PRIM2: variants seen among roughly 807,000 people sequenced by gnomAD.
The protein encoded by PRIM2 is DNA primase large subunit.
PRIM2 carries 39 observed loss-of-function variants against 67.3 expected under a neutral mutation model. The observed-to-expected ratio is 0.58, with a 90% CI of 0.45 to 0.76. The LOEUF (loss-of-function observed/expected upper bound fraction) is 0.76, where lower values mean the gene tolerates loss of function less well. PRIM2 is among the 30% of genes least tolerant of loss of function. The pLI, the probability that PRIM2 is intolerant of heterozygous loss-of-function variation, is 0.00. For missense variants in PRIM2, 398 were observed against 598.7 expected (o/e 0.66, Z 3.50); for synonymous variants, 143 against 198.7 (o/e 0.72, Z 2.36).
chr6:57,622,493 CCATAAGTAAGTATA>C (rs1776877555), intron 12 of PRIM2, among the ~76,000 whole-genome samples: 1 of 151,960 alleles, frequency 6.6e-6, no homozygotes, highest in African/African-American at 2.4e-5. Context: ...ACATGTTGGC[CCATAAGTAAGTATA>C]CATAAGGCTA....
At chr6:57,502,021 G>A (rs1774141834) in intron 7 of PRIM2, among the ~76,000 whole-genome samples, 1 of 152,100 alleles carries the variant, frequency 6.6e-6, no homozygotes, top group African/African-American at 2.4e-5. Context: ...CAATCAATTG[G>A]TGACCCAACC....
the PRIM2 span, among the ~76,000 whole-genome samples, chr6:57,235,464 CAA>C: frequency 6.8e-6 from 1 of 146,000 alleles, no homozygotes; most frequent in Non-Finnish European, 1.5e-5. Flanking sequence ...AACTCCATTT[CAA>C]AAAAAAAAAA....
the PRIM2 span, among the ~76,000 whole-genome samples, chr6:57,253,054 G>A: frequency 1.3e-5 from 2 of 152,196 alleles, no homozygotes. Context: ...ACTCAAGAGT[G>A]CAGAGAGCCA....
At chr6:57,335,127 C>T (rs1454696868) in intron 5 of PRIM2, among the ~76,000 whole-genome samples, 2 of 152,238 alleles carry the variant, frequency 1.3e-5, no homozygotes, top group African/African-American at 4.8e-5. Flanking sequence ...TCGGGTCACT[C>T]CCACCCGAAT....
the PRIM2 span, among the ~76,000 whole-genome samples, chr6:57,241,031 T>C: frequency 6.6e-6 from 1 of 151,890 alleles, no homozygotes; most frequent in African/African-American, 2.4e-5. Flanking sequence ...GAGACCATCC[T>C]GGCTAACACG....
chr6:57,307,756 A>T, the PRIM2 span, among the ~76,000 whole-genome samples: 1 of 152,204 alleles, frequency 6.6e-6, no homozygotes, highest in Non-Finnish European at 1.5e-5. Flanking sequence ...TGAGGGACAC[A>T]GGTGGCCTTG....
intron 13 of PRIM2, among the ~76,000 whole-genome samples, chr6:57,639,119 A>G (rs1432515202): frequency 1.9e-4 from 29 of 152,230 alleles, no homozygotes; most frequent in African/African-American, 6.5e-4. Flanking sequence ...CTGCACAACT[A>G]CATGGAAACT....
At chr6:57,292,741 G>A in the PRIM2 span, among the ~76,000 whole-genome samples, 1 of 152,148 alleles carries the variant, frequency 6.6e-6, no homozygotes, top group Non-Finnish European at 1.5e-5. Context: ...AATGGGGAAA[G>A]GGTTCCCTAT....
intron 7 of PRIM2, among the ~76,000 whole-genome samples, chr6:57,495,764 GACAGGGTCTTGCTTTGTC>G (rs1394580309): frequency 6.6e-6 from 1 of 152,098 alleles, no homozygotes; most frequent in Non-Finnish European, 1.5e-5. Context: ...TTGTTTTTGA[GACAGGGTCTTGCTTTGTC>G]ACCTAGGCTG....
intron 10 of PRIM2, among the ~76,000 whole-genome samples, chr6:57,573,397 G>C (rs1581997508): frequency 6.6e-6 from 1 of 152,020 alleles, no homozygotes; most frequent in East Asian, 1.9e-4. Flanking sequence ...GCTCAGATTT[G>C]CATAGTCATC....
intron 5 of PRIM2, among the ~76,000 whole-genome samples, chr6:57,366,659 T>C (rs1769371981): frequency 6.6e-6 from 1 of 152,166 alleles, no homozygotes; most frequent in African/African-American, 2.4e-5. Flanking sequence ...GATTTGGATT[T>C]GGACCGTGCC....
the PRIM2 span, among the ~76,000 whole-genome samples, chr6:57,229,718 C>T: frequency 6.6e-6 from 1 of 152,144 alleles, no homozygotes; most frequent in Non-Finnish European, 1.5e-5. Context: ...TCTCGAATAC[C>T]TGACCTCGTG....
intron 10 of PRIM2, among the ~76,000 whole-genome samples, chr6:57,579,977 CAT>C (rs1187053412): frequency 6.6e-6 from 1 of 152,024 alleles, no homozygotes; most frequent in Non-Finnish European, 1.5e-5. Flanking sequence ...CACCCAGAAA[CAT>C]ATTGAAATAT....
At chr6:57,336,280 ACT>A (rs1361835452) in intron 5 of PRIM2, among the ~76,000 whole-genome samples, 1 of 152,046 alleles carries the variant, frequency 6.6e-6, no homozygotes, top group African/African-American at 2.4e-5. Flanking sequence ...GTTGGAAAAC[ACT>A]CTGCAGGATA....
rs1415840231 is a variant in PRIM2 at position 57,370,473 on chromosome 6, C to T, written c.460-9428C>T. Among the ~76,000 whole-genome samples, 8 of 152,042 alleles carry T rather than the reference C, an allele frequency of 5.3e-5. No individual in the cohort carries two copies. In the East Asian group the frequency reaches 1.5e-3, roughly 29 times the overall value. The stretch of plus-strand genomic sequence containing the variant: ...GAGAATTGTCTTGTATTTTCCATTT[C>T]CATTTTGGTTATAACTAAATAGATA... On this transcript the variant is annotated intron_variant, in intron 5 of 13. Transcript: ENST00000615550.
At chr6:57,453,501 C>T (rs1772634848) in intron 7 of PRIM2, among the ~76,000 whole-genome samples, 2 of 152,106 alleles carry the variant, frequency 1.3e-5, no homozygotes, top group Admixed American at 6.5e-5. Flanking sequence ...AGGTCCTTCA[C>T]ATCCCTTGTA....
At chr6:57,474,360 G>C (rs1470216450) in intron 7 of PRIM2, among the ~76,000 whole-genome samples, 6 of 151,542 alleles carry the variant, frequency 4.0e-5, no homozygotes, top group African/African-American at 1.5e-4. Flanking sequence ...TTTTTTAGTA[G>C]AGACAGGGTT....
chr6:57,555,938 T>A (rs1200082862), intron 10 of PRIM2, among the ~76,000 whole-genome samples: 2 of 152,228 alleles, frequency 1.3e-5, no homozygotes, highest in African/African-American at 4.8e-5. Context: ...GAAATATAAT[T>A]TTCTTGGACA....
intron 7 of PRIM2, among the ~76,000 whole-genome samples, chr6:57,416,283 CA>C (rs1771260923): frequency 6.6e-6 from 1 of 152,178 alleles, no homozygotes. Context: ...GCATTGCCAA[CA>C]AGCAGTAATA....
Sources: allele counts gnomAD v4.1 joint callset (sites outside exome capture counted in the v4.1 genomes callset), GRCh38; gene constraint gnomAD v4.1.1; transcripts MANE v1.5; gene names NCBI Gene and HGNC (gene_info 2026-07-23, HGNC 2026-07-21).